Variants in ABCB6 observed in about 807,000 individuals in gnomAD.
ABCB6 encodes ATP-binding cassette sub-family B member 6.
Under a neutral mutation model 99.4 loss-of-function variants are expected in ABCB6, and 87 were observed. That is an observed-to-expected ratio of 0.88 (90% CI 0.74 to 1.05). The LOEUF (loss-of-function observed/expected upper bound fraction) is 1.05, where lower values mean the gene tolerates loss of function less well. ABCB6 is among the 50% of genes least tolerant of loss of function. The pLI, the probability that ABCB6 is intolerant of heterozygous loss-of-function variation, is 0.00. For missense variants in ABCB6, 1,050 were observed against 1,097.9 expected, an observed-to-expected ratio of 0.96 and a Z score of 0.62; for synonymous variants, 482 against 447.5, an observed-to-expected ratio of 1.08 and a Z score of -0.97.
chr2:219,215,798 G>A (rs1022617905), intron 5 of ABCB6, 199 bp downstream of exon 5: 3 of 500,536 alleles, frequency 6.0e-6, no homozygotes, highest in Non-Finnish European at 1.0e-5. Flanking sequence ...AAAAGTAAGT[G>A]CAGCTCGAAA....
Position 219,214,168 on chromosome 2 carries a change from C to T in ABCB6, c.1405G>A (p.Glu469Lys), listed in dbSNP as rs111677240. 1.7e-5 allele frequency: 28 copies of T among 1,614,194 alleles called. No homozygotes were observed. The highest frequency in any genetic ancestry group is 1.3e-4 in the African/African-American group (10 of 75,046). Residue 469 changes from glutamate to lysine, a missense_variant, in exon 8 of 19, where the codon GAG becomes AAG. Transcript: ENST00000265316. ...NFETVKYYNA[E>K]SYEVERYREA... ...CGATAGCGTTCCACTTCGTAACTCTCGGCGTTGTAATACTTCACCTGATGA... is the reference window on the plus strand; with the variant it reads ...CGATAGCGTTCCACTTCGTAACTCTTGGCGTTGTAATACTTCACCTGATGA...
chr2:219,213,896 A>T lies in ABCB6; in HGVS notation c.1508T>A (p.Leu503Gln). 5 of 1,614,170 alleles carry T rather than the reference A, an allele frequency of 3.1e-6. No individual in the cohort carries two copies. Among genetic ancestry groups the T allele is most frequent in the Non-Finnish European group, 4.2e-6 (5 of 1,180,048 alleles). ...GGCGAGGAGCCCGAGCCCAATCACC[A>T]GGTTCTGGGTCTGATTTAGTAAAAC... ...SLVLLNQTQN[L>Q]VIGLGLLAGS... The change falls in exon 9 of 19, where the codon CTG becomes CAG. Residue 503 changes from leucine to glutamine, a missense_variant. By Grantham distance (113) the Leu-to-Gln change is moderately radical. Transcript: ENST00000265316.
Position 219,213,825 on chromosome 2 carries a change from CCT to C in ABCB6, c.1577_1578del (p.Gln526ArgfsTer34). 6.2e-7 allele frequency: 1 copy of C among 1,614,192 alleles called. No homozygotes were observed. Among genetic ancestry groups the C allele is most frequent in the Non-Finnish European group, 8.5e-7 (1 of 1,180,038 alleles). ...CAYFVTEQKL[Q>X]VGDYVLFGTY... Reference sequence around the variant, plus strand: ...CTCTCTCATCCAAGATCCTGCCTCACCTGTAGCTTCTGCTCAGTGACAAAGTA... The same window carrying C: ...CTCTCTCATCCAAGATCCTGCCTCACGTAGCTTCTGCTCAGTGACAAAGTA... On this transcript the variant is annotated frameshift_variant and splice_region_variant, in exon 9 of 19. Coordinates refer to ENST00000265316, the MANE Select transcript of ABCB6 (RefSeq NM_005689.4). LOFTEE classifies it high-confidence loss of function.
Position 219,213,307 on chromosome 2 carries a change from G to A in ABCB6, c.1739C>T (p.Ala580Val). Residue 580 changes from alanine to valine, a missense_variant, in exon 12 of 19, where the codon GCA (alanine) becomes GTA (valine). Coordinates refer to ENST00000265316, the MANE Select transcript of ABCB6 (RefSeq NM_005689.4). ...GCCCTTCTGAAAGCGAAGGGGCCCT[G>A]CTCCAGGAAGGTCCTTCACCTGGAA... is the stretch of plus-strand genomic sequence containing the variant. ...EETEVKDLPG[A>V]GPLRFQKGRI... The A allele has an allele frequency of 6.2e-7, 1 of 1,614,044 alleles. No homozygotes were observed. The highest frequency in any genetic ancestry group is 8.5e-7 in the Non-Finnish European group (1 of 1,180,028).
rs537948163 is a variant in ABCB6, at chr2:219,218,372, G to C, written c.302C>G (p.Ala101Gly). The stretch of plus-strand genomic sequence containing the variant: ...CAGAAGTAGATAGCTTGGCAGTGGG[G>C]CCCCCCGGGCAGTGCCCACCCGGCC... ...LAGRVGTARG[A>G]PLPSYLLLAS... The change falls in exon 1 of 19, where the codon GCC becomes GGC. Residue 101 changes from alanine (A) to glycine (G), a missense_variant. Coordinates refer to ENST00000265316, the MANE Select transcript of ABCB6 (RefSeq NM_005689.4). 20 of 1,612,708 alleles carry C rather than the reference G, an allele frequency of 1.2e-5. No homozygotes were observed. In the East Asian group the frequency reaches 3.3e-4, roughly 27 times the overall value.
chr2:219,210,055 A>C lies in ABCB6; in HGVS notation c.2421-9T>G. ...ACAACAGAGCCTCGTGTCTGGGGTG[A>C]GGAGAAAAGTGTGAGTCCTAACCAT... On this transcript the variant is annotated splice_polypyrimidine_tract_variant and intron_variant, in intron 18 of 18. Transcript: ENST00000265316. The C allele has an allele frequency of 6.2e-7, 1 of 1,613,386 alleles. No individual in the cohort carries two copies. The highest frequency in any genetic ancestry group is 1.3e-5 in the African/African-American group (1 of 75,006).
chr2:219,209,834 A>T lies in ABCB6; in HGVS notation c.*104T>A. 2.2e-6 allele frequency: 2 copies of T among 902,590 alleles called. No individual in the cohort carries two copies. The highest frequency in any genetic ancestry group is 2.8e-5 in the South Asian group (2 of 72,272). The allele number at this position is 902,590 out of a possible 1,614,324, so 55.9% of individuals were successfully genotyped here. On this transcript the variant is annotated 3_prime_UTR_variant, in exon 19 of 19. Transcript: ENST00000265316. Reference sequence around the variant, plus strand: ...CGGAAAGGTCCCTTTCCCTTACCATAGCTAGCACCATACCCCAAGACCAGG... The same window carrying T: ...CGGAAAGGTCCCTTTCCCTTACCATTGCTAGCACCATACCCCAAGACCAGG...
chr2:219,216,096 T>G lies in ABCB6; in HGVS notation c.1055A>C (p.His352Pro), dbSNP rs1173719567. Residue 352 changes from histidine (H) to proline (P), a missense_variant, in exon 5 of 19, where the codon CAC becomes CCC. Physicochemically the swap from His to Pro is moderately conservative, Grantham distance 77 (BLOSUM62 -2). Transcript: ENST00000265316. The surrounding 1 kb of genome is among the most constrained non-coding windows in gnomAD (Gnocchi z 4.2). ...CCAGCGCAGTGAGAGCTCGTGCAGG[T>G]GGGAGAAGATGAGCAGCTCCACCCG... ...SRRVELLIFS[H>P]LHELSLRWHL... The G allele has an allele frequency of 6.3e-7, 1 of 1,584,274 alleles. No homozygotes were observed. Among genetic ancestry groups the G allele is most frequent in the Non-Finnish European group, 8.6e-7 (1 of 1,166,178 alleles).
Position 219,210,971 on chromosome 2 carries a change from A to G in ABCB6, c.2106T>C (p.Ala702=). ...CCATAATGGCATCATGGATGCCTGC[A>G]GCCTGAGCAGCAGCCTCCACCTCAT... ...GNDEVEAAAQ[A]AGIHDAIMAF... is the part of the protein sequence containing the mutation. Residue 702 remains alanine (A), a synonymous_variant, in exon 15 of 19, where the codon GCT becomes GCC. Coordinates refer to ENST00000265316, the MANE Select transcript of ABCB6 (RefSeq NM_005689.4). 6.2e-7 allele frequency: 1 copy of G among 1,614,214 alleles called. No individual in the cohort carries two copies. The highest frequency in any genetic ancestry group is 8.5e-7 in the Non-Finnish European group (1 of 1,180,028).
In ABCB6 at chr2:219,213,231, A is replaced by C; in HGVS notation, c.1805+10T>G. 1 of 1,614,052 alleles carries C rather than the reference A, an allele frequency of 6.2e-7. No homozygotes were observed. The highest frequency in any genetic ancestry group is 8.5e-7 in the Non-Finnish European group (1 of 1,179,922). Reference sequence around the variant, plus strand: ...ACGGAAAAGCAAAGGAAGCAAAAGGAAGGCCTCACCCATCGGCATAGCTGA... The same window carrying C: ...ACGGAAAAGCAAAGGAAGCAAAAGGCAGGCCTCACCCATCGGCATAGCTGA... On this transcript the variant is annotated intron_variant, in intron 12 of 18. Transcript: ENST00000265316.
chr2:219,210,345 C>G, intron 17 of ABCB6, 36 bp downstream of exon 17: 3 of 1,614,184 alleles, frequency 1.9e-6, no homozygotes, highest in Non-Finnish European at 2.5e-6. Context: ...CAAAGCGGGC[C>G]ACATCACCAG....
chr2:219,216,377 GCCAC>G lies in ABCB6; in HGVS notation c.953_956del (p.Gly318AlafsTer8), dbSNP rs755885095. ...AGTCTCTCATACCTGTACTGCCAGTGCCACCCCCCTGGAGGAACTTGAGGAAGAC... is the reference window on the plus strand; with the variant it reads ...AGTCTCTCATACCTGTACTGCCAGTGCCCCCTGGAGGAACTTGAGGAAGAC... On this transcript the variant is annotated frameshift_variant, in exon 4 of 19. Coordinates refer to ENST00000265316, the MANE Select transcript of ABCB6 (RefSeq NM_005689.4). LOFTEE classifies it high-confidence loss of function. This position sits in a 1 kb window ranked among gnomAD's most constrained non-coding sequence, Gnocchi z 4.2. 7 of 1,613,948 alleles carry G rather than the reference GCCAC, an allele frequency of 4.3e-6. No individual in the cohort carries two copies. The highest frequency in any genetic ancestry group is 5.1e-6 in the Non-Finnish European group (6 of 1,179,868).
Position 219,212,884 on chromosome 2 carries a change from C to T in ABCB6, c.1863+124G>A, listed in dbSNP as rs1010507446. ...TCACCAGTGTCCATGGAGGCTGCAC[C>T]ATTCAATCCGGTTGCCTATCGTGAC... On this transcript the variant is annotated intron_variant, in intron 13 of 18. Coordinates refer to ENST00000265316, the MANE Select transcript of ABCB6 (RefSeq NM_005689.4). 6.3e-6 allele frequency: 7 copies of T among 1,106,438 alleles called. No homozygotes were observed. The African/African-American group carries it at 9.3e-5, about 15-fold the overall frequency. The allele number at this position is 1,106,438 out of a possible 1,614,324, so 68.5% of individuals were successfully genotyped here.
At position 219,216,299 on chromosome 2, in the gene ABCB6, G is replaced by GAT. The variant is rs1446782719; in HGVS notation, c.970+63_970+64dup. 27 of 1,587,570 alleles carry GAT rather than the reference G, an allele frequency of 1.7e-5. No homozygotes were observed. The highest frequency in any genetic ancestry group is 2.3e-5 in the Non-Finnish European group (27 of 1,157,752). On this transcript the variant is annotated intron_variant, in intron 4 of 18. Coordinates refer to ENST00000265316, the MANE Select transcript of ABCB6 (RefSeq NM_005689.4). This position sits in a 1 kb window ranked among gnomAD's most constrained non-coding sequence, Gnocchi z 4.2. Reference sequence around the variant, plus strand: ...CTGGGGAGGAATGCTGGGAGAGGCGGATGCTGAGGGAATGCCTGTGGGAGG... The same window carrying GAT: ...CTGGGGAGGAATGCTGGGAGAGGCGGATATGCTGAGGGAATGCCTGTGGGAGG...
chr2:219,215,075 C>G lies in ABCB6; in HGVS notation c.1162G>C (p.Val388Leu). Residue 388 changes from valine (V) to leucine (L), a missense_variant, in exon 6 of 19, where the codon GTG (valine) becomes CTG (leucine). By Grantham distance (32) the Val-to-Leu change is conservative. Coordinates refer to ENST00000265316, the MANE Select transcript of ABCB6 (RefSeq NM_005689.4). ...GCCAGCGTGGGGATGACATTGAACA[C>G]CAGGTAGCTAGGAGGGCAGGTCAAG... Reference protein sequence around the residue: ...SSVTGLLSYLVFNVIPTLADI... With the variant: ...SSVTGLLSYLLFNVIPTLADI... 6.2e-7 allele frequency: 1 copy of G among 1,614,064 alleles called. No individual in the cohort carries two copies. Among genetic ancestry groups the G allele is most frequent in the Non-Finnish European group, 8.5e-7 (1 of 1,180,004 alleles).
At chr2:219,210,185 C>T (rs370487037) in intron 18 of ABCB6, 45 bp downstream of exon 18, 4 of 1,610,984 alleles carry the variant, frequency 2.5e-6, no homozygotes, top group Non-Finnish European at 2.5e-6. Context: ...TTTCCTGGAG[C>T]CCCCAATTCA....
At chr2:219,218,022 G>A in intron 1 of ABCB6, 103 bp downstream of exon 1, 1 of 1,444,364 alleles carries the variant, frequency 6.9e-7, no homozygotes, top group East Asian at 2.4e-5. Context: ...TTCTCCCTTT[G>A]CTTAGAGGCA....
At chr2:219,213,408 C>T in intron 11 of ABCB6, 31 bp downstream of exon 11, 1 of 1,614,090 alleles carries the variant, frequency 6.2e-7, no homozygotes, top group Non-Finnish European at 8.5e-7. Flanking sequence ...GCTCCTCCCT[C>T]CCCAAACCCT....
rs528357507 is a variant in ABCB6 at position 219,215,016 on chromosome 2, C to T, written c.1221G>A (p.Met407Ile). The change falls in exon 6 of 19, where the codon ATG becomes ATA. Residue 407 changes from methionine to isoleucine, a missense_variant. Physicochemically the swap from Met to Ile is conservative, Grantham distance 10. Transcript: ENST00000265316. ...TGAGGCCAAACCAGGCGTTGAAGAACATGCTGAAGTAGATGATGCCAATGA... is the reference window on the plus strand; with the variant it reads ...TGAGGCCAAACCAGGCGTTGAAGAATATGCTGAAGTAGATGATGCCAATGA... Reference protein sequence around the residue: ...DIIIGIIYFSMFFNAWFGLIV... With the variant: ...DIIIGIIYFSIFFNAWFGLIV... 1 of 1,614,204 alleles carries T rather than the reference C, an allele frequency of 6.2e-7. No individual in the cohort carries two copies. The highest frequency in any genetic ancestry group is 1.7e-5 in the Admixed American group (1 of 60,034).
Sources: allele counts gnomAD v4.1 joint callset, GRCh38; gene constraint gnomAD v4.1.1; non-coding constraint Gnocchi (gnomAD v3.1); transcripts MANE v1.5; gene names NCBI Gene and HGNC (gene_info 2026-07-23, HGNC 2026-07-21).